SPTBN1: variants seen among roughly 807,000 people sequenced by gnomAD.
SPTBN1 encodes spectrin beta chain, non-erythrocytic 1.
A neutral mutation model predicts 266.4 loss-of-function variants in SPTBN1; 32 were observed. That is an observed-to-expected ratio of 0.12 (90% CI 0.09 to 0.16). The LOEUF is 0.16. Ranked by LOEUF, SPTBN1 falls within the 10% of genes least tolerant of loss-of-function variation. The pLI is 1.00. For synonymous variants in SPTBN1, 1,336 were observed against 1,162.2 expected (o/e 1.15, Z -3.04); for missense variants, 2,296 against 3,067.1 (o/e 0.75, Z 5.94).
rs1439906228 is a variant in SPTBN1, at chr2:54,626,200, T to C, written c.1610T>C (p.Met537Thr). 6.2e-7 allele frequency: 1 copy of C among 1,614,070 alleles called. No individual in the cohort carries two copies. Among genetic ancestry groups the C allele is most frequent in the Non-Finnish European group, 8.5e-7 (1 of 1,180,018 alleles). ...NLGLQKIFQEMLYIMDWMDEM... is the reference protein window; with the variant it reads ...NLGLQKIFQETLYIMDWMDEM... Reference sequence around the variant, plus strand: ...GGGCTGCAGAAGATATTCCAGGAAATGCTCTACATTATGGACTGGATGGAT... The same window carrying C: ...GGGCTGCAGAAGATATTCCAGGAAACGCTCTACATTATGGACTGGATGGAT... The change falls in exon 12 of 36, where the codon ATG becomes ACG. Residue 537 changes from methionine (M) to threonine (T), a missense_variant. This residue lies in a region of SPTBN1 where 434 missense variants were observed against 573.9 expected (regional missense o/e 0.76). Coordinates refer to ENST00000356805, the MANE Select transcript of SPTBN1 (RefSeq NM_003128.3). The surrounding 1 kb of genome is among the most constrained non-coding windows in gnomAD (Gnocchi z 4.7).
chr2:54,473,207 AT>A (rs1434661273), intron 1 of SPTBN1, among the ~76,000 whole-genome samples: 3 of 152,192 alleles, frequency 2.0e-5, no homozygotes, highest in Non-Finnish European at 4.4e-5. Context: ...TTATACAGAG[AT>A]TTATAATTTG....
Position 54,628,148 on chromosome 2 carries a change from C to T in SPTBN1, c.1696C>T (p.Leu566=). The change falls in exon 13 of 36, where the codon CTG becomes TTG. Residue 566 remains leucine (L), a synonymous_variant. Transcript: ENST00000356805. The surrounding 1 kb of genome is among the most constrained non-coding windows in gnomAD (Gnocchi z 4.3). ...YGKHLLGVED[L]LQKHTLVEAD... is the part of the protein sequence containing the mutation. ...CAAACACTTACTTGGTGTGGAAGACCTGTTACAGAAGCACACCCTGGTTGA... is the reference window on the plus strand; with the variant it reads ...CAAACACTTACTTGGTGTGGAAGACTTGTTACAGAAGCACACCCTGGTTGA... The T allele has an allele frequency of 6.2e-7, 1 of 1,614,026 alleles. No homozygotes were observed. The highest frequency in any genetic ancestry group is 1.1e-5 in the South Asian group (1 of 91,050).
At chr2:54,652,222 A>G (rs1680347928) in intron 26 of SPTBN1, among the ~76,000 whole-genome samples, 1 of 152,252 alleles carries the variant, frequency 6.6e-6, no homozygotes. Flanking sequence ...TATATAAGGC[A>G]TGTAAGAGGA....
intron 1 of SPTBN1, among the ~76,000 whole-genome samples, chr2:54,492,477 T>G (rs1668744901): frequency 6.6e-6 from 1 of 152,110 alleles, no homozygotes; most frequent in Non-Finnish European, 1.5e-5. Context: ...GAGTTTTACT[T>G]AACACCTTTT....
chr2:54,560,689 C>CCT (rs1218331777), intron 2 of SPTBN1, among the ~76,000 whole-genome samples: 2 of 152,150 alleles, frequency 1.3e-5, no homozygotes, highest in African/African-American at 4.8e-5. Flanking sequence ...ACCCTTGTCT[C>CCT]CTAATTTAGC....
At chr2:54,468,320 TAAAAAAA>T (rs1693742275) in intron 1 of SPTBN1, among the ~76,000 whole-genome samples, 1 of 145,858 alleles carries the variant, frequency 6.9e-6, no homozygotes, top group Non-Finnish European at 1.5e-5. Context: ...AAAAATAAAA[TAAAAAAA>T]TAAAAAATAA....
At chr2:54,483,985 A>G (rs1668222492) in intron 1 of SPTBN1, among the ~76,000 whole-genome samples, 1 of 152,138 alleles carries the variant, frequency 6.6e-6, no homozygotes, top group Non-Finnish European at 1.5e-5. Flanking sequence ...ACCTGAGCCC[A>G]GGGGTTCGAG....
intron 10 of SPTBN1, among the ~76,000 whole-genome samples, chr2:54,624,168 G>T (rs974572241): frequency 9.2e-5 from 14 of 152,202 alleles, no homozygotes; most frequent in South Asian, 4.1e-4. Context: ...TGGAGGCAGG[G>T]TCTCACTATA....
rs56043354 is a variant in SPTBN1 at position 54,471,800 on chromosome 2, ATTTTTTT to A, written c.-48+15295_-48+15301del. On this transcript the variant is annotated intron_variant, in intron 1 of 35. Transcript: ENST00000356805. ...AGAGGTGCTTTCCTCTTTTTTATCG[ATTTTTTT>A]TTTTTTTTTTTTGCTGTTCCAACTG... is the stretch of plus-strand genomic sequence containing the variant. Among the ~76,000 whole-genome samples, 6 of 102,716 alleles carry A rather than the reference ATTTTTTT, an allele frequency of 5.8e-5. No homozygotes were observed. In the East Asian group the frequency reaches 1.7e-3, roughly 28 times the overall value. The allele number at this position is 102,716 out of a possible 152,430, so 67.4% of individuals were successfully genotyped here. A position where few individuals can be genotyped will look rare whatever the true frequency, so the allele number is the denominator to read the frequency against.
At chr2:54,612,469 C>A in intron 4 of SPTBN1, 135 bp downstream of exon 4, 2 of 1,015,314 alleles carry the variant, frequency 2.0e-6, no homozygotes, top group African/African-American at 1.6e-5. Flanking sequence ...TCATGTGTGT[C>A]ATATCCAGCC....
chr2:54,632,505 G>T, intron 16 of SPTBN1, 61 bp from the exon 17 acceptor site: 1 of 1,525,980 alleles, frequency 6.6e-7, no homozygotes, highest in Non-Finnish European at 9.1e-7. Flanking sequence ...CGGAAATGTA[G>T]AACACAGGAA....
At chr2:54,513,048 C>T (rs1224881817) in intron 1 of SPTBN1, among the ~76,000 whole-genome samples, 1 of 152,128 alleles carries the variant, frequency 6.6e-6, no homozygotes, top group Non-Finnish European at 1.5e-5. Context: ...AAAAATTAGC[C>T]AGGCATGGTG....
intron 24 of SPTBN1, 132 bp from the exon 25 acceptor site, chr2:54,648,854 G>C: frequency 1.1e-6 from 1 of 871,392 alleles, no homozygotes; most frequent in Non-Finnish European, 1.7e-6. Context: ...ATGCTAAGTG[G>C]GTTAACCAGA....
chr2:54,572,360 G>C (rs750250414), intron 2 of SPTBN1, among the ~76,000 whole-genome samples: 1 of 152,288 alleles, frequency 6.6e-6, no homozygotes, highest in East Asian at 1.9e-4. Flanking sequence ...ATTCTTCTAG[G>C]TGTGGCAGCT....
In SPTBN1 at chr2:54,631,083, G is replaced by C. The variant is rs1408573947; in HGVS notation, c.3036G>C (p.Leu1012=). 5 of 1,614,146 alleles carry C rather than the reference G, an allele frequency of 3.1e-6. No individual in the cohort carries two copies. Among genetic ancestry groups the C allele is most frequent in the Non-Finnish European group, 4.2e-6 (5 of 1,180,010 alleles). The change falls in exon 16 of 36, where the codon CTG becomes CTC. Residue 1012 remains leucine, a synonymous_variant. Coordinates refer to ENST00000356805, the MANE Select transcript of SPTBN1 (RefSeq NM_003128.3). ...ERDLVAIEAK[L]SDLQKEAEKL... ...ACTTGGTGGCCATTGAGGCAAAGCT[G>C]AGTGACCTGCAGAAGGAGGCGGAGA...
intron 1 of SPTBN1, among the ~76,000 whole-genome samples, chr2:54,466,789 G>C (rs1406400512): frequency 6.6e-6 from 1 of 151,890 alleles, no homozygotes; most frequent in Non-Finnish European, 1.5e-5. Context: ...ATTTTAGCTG[G>C]ATACAAACTA....
At chr2:54,659,038 T>C (rs2104203001) in intron 30 of SPTBN1, 116 bp from the exon 31 acceptor site, 1 of 987,610 alleles carries the variant, frequency 1.0e-6, no homozygotes, top group South Asian at 1.5e-5. Context: ...GAGCTTCTTG[T>C]CCAGTGTGGT....
rs1475391213 is a variant in SPTBN1, at chr2:54,521,028, C to T, written c.-47-5344C>T. Among the ~76,000 whole-genome samples, 6 of 152,186 alleles carry T rather than the reference C, an allele frequency of 3.9e-5. No homozygotes were observed. The East Asian group carries it at 9.6e-4, about 24-fold the overall frequency. On this transcript the variant is annotated intron_variant, in intron 1 of 35. Transcript: ENST00000356805. ...ACTTCCCACAGCTATTTAAGAAGTACAGATGACTTCACAGCCCACGGGAGG... is the reference window on the plus strand; with the variant it reads ...ACTTCCCACAGCTATTTAAGAAGTATAGATGACTTCACAGCCCACGGGAGG...
chr2:54,522,697 G>GAA lies in SPTBN1; in HGVS notation c.-47-3674_-47-3673insAA, dbSNP rs1484752073. On this transcript the variant is annotated intron_variant, in intron 1 of 35. Coordinates refer to ENST00000356805, the MANE Select transcript of SPTBN1 (RefSeq NM_003128.3). ...GAGAGAGGAGAGAGAGAGAGAGAGA[G>GAA]AGAAAGAAAGAAAGGAAAGAAAGAA... is the stretch of plus-strand genomic sequence containing the variant. Among the ~76,000 whole-genome samples, 113 of 97,328 alleles carry GAA rather than the reference G, an allele frequency of 1.2e-3. 1 individual carries two copies. The highest frequency in any genetic ancestry group is 3.8e-3 in the African/African-American group (92 of 24,194). The allele number at this position is 97,328 out of a possible 152,430, so 63.9% of individuals were successfully genotyped here.
Sources: allele counts gnomAD v4.1 joint callset (sites outside exome capture counted in the v4.1 genomes callset), GRCh38; gene constraint gnomAD v4.1.1; regional missense constraint gnomAD v4.1.1; non-coding constraint Gnocchi (gnomAD v3.1); transcripts MANE v1.5; gene names NCBI Gene and HGNC (gene_info 2026-07-23, HGNC 2026-07-21).